The following TTC21B variants were observed in gnomAD, a reference collection of about 807,000 sequenced individuals.
TTC21B encodes tetratricopeptide repeat protein 21B.
A neutral mutation model predicts 175.1 loss-of-function variants in TTC21B; 127 were observed. That is an observed-to-expected ratio of 0.73 (90% CI 0.63 to 0.84). TTC21B has a LOEUF of 0.84. Among genes scored for constraint, TTC21B ranks in the 40% least tolerant of loss-of-function variants. TTC21B has a pLI of 0.00. For synonymous variants in TTC21B, 524 were observed against 524.5 expected (o/e 1.00, Z 0.01); for missense variants, 1,561 against 1,558.3 (o/e 1.00, Z -0.03).
intron 11 of TTC21B, among the ~76,000 whole-genome samples, chr2:165,928,219 G>A (rs1686747785): frequency 6.6e-6 from 1 of 151,960 alleles, no homozygotes; most frequent in Non-Finnish European, 1.5e-5. Context: ...TGATCCACAA[G>A]GAATATGATA....
intron 22 of TTC21B, chr2:165,898,479 T>C: frequency 1.6e-6 from 1 of 622,904 alleles, no homozygotes; most frequent in Non-Finnish European, 2.9e-6. Flanking sequence ...ATTACCAGGT[T>C]TGTGCTCATA....
intron 15 of TTC21B, among the ~76,000 whole-genome samples, 194 bp from the exon 16 acceptor site, chr2:165,913,840 T>C (rs1686047486): frequency 1.3e-5 from 2 of 152,212 alleles, no homozygotes; most frequent in Admixed American, 6.5e-5. Context: ...GATCAGCTAT[T>C]TCTGTCACTG....
In TTC21B at chr2:165,927,270, TTATATATATATATATCCTAGTAGTTATA is replaced by T. The variant is rs1559064790; in HGVS notation, c.1386+1837_1386+1864del. Reference sequence around the variant, plus strand: ...GTTATATATATATATATCCTAGTAGTTATATATATATATATCCTAGTAGTTATATATATATATTATATATTATATAATA... The same window carrying T: ...GTTATATATATATATATCCTAGTAGTTATATATATTATATATTATATAATA... On this transcript the variant is annotated intron_variant, in intron 11 of 28. Transcript: ENST00000243344. 1.9e-4 allele frequency among the ~76,000 whole-genome samples: 9 copies of T among 48,204 alleles called. 1 individual carries two copies. Among genetic ancestry groups the T allele is most frequent in the African/African-American group, 5.8e-4 (9 of 15,418 alleles). The allele number at this position is 48,204 out of a possible 152,430, so 31.6% of individuals were successfully genotyped here.
chr2:165,939,959 A>C (rs1329110501), intron 6 of TTC21B, among the ~76,000 whole-genome samples: 1 of 152,140 alleles, frequency 6.6e-6, no homozygotes, highest in Non-Finnish European at 1.5e-5. Flanking sequence ...CTCAGCTGTA[A>C]AACAGAAATA....
chr2:165,950,551 A>G (rs139085168), intron 1 of TTC21B, among the ~76,000 whole-genome samples: 7 of 152,332 alleles, frequency 4.6e-5, no homozygotes, highest in Non-Finnish European at 7.3e-5. Flanking sequence ...CTTGTTCAGT[A>G]GCAGTGAGAA....
At position 165,949,670 on chromosome 2, in the gene TTC21B, C is replaced by T; in HGVS notation, c.76G>A (p.Ala26Thr). The change falls in exon 2 of 29, where the codon GCC (alanine) becomes ACC (threonine). Residue 26 changes from alanine to threonine, a missense_variant. Ala to Thr is a moderately conservative substitution (Grantham distance 58). Coordinates refer to ENST00000243344, the MANE Select transcript of TTC21B (RefSeq NM_024753.5). ...ERYFHHVLLV[A>T]SEGIKRYGSD... ...CCATACCTCTTAATTCCTTCACTGG[C>T]AACCAGTAATACATGATGGAAATAT... 2 of 1,612,846 alleles carry T rather than the reference C, an allele frequency of 1.2e-6. No individual in the cohort carries two copies. The highest frequency in any genetic ancestry group is 1.1e-5 in the South Asian group (1 of 91,060).
chr2:165,908,501 T>C (rs1483624071), intron 18 of TTC21B, among the ~76,000 whole-genome samples: 1 of 152,170 alleles, frequency 6.6e-6, no homozygotes. Flanking sequence ...GAACCCTAGA[T>C]AATTAACAAA....
chr2:165,924,261 T>C (rs547623790), intron 12 of TTC21B, among the ~76,000 whole-genome samples: 1 of 152,312 alleles, frequency 6.6e-6, no homozygotes, highest in East Asian at 1.9e-4. Context: ...TTAATGACTG[T>C]AAATTCTTAT....
At chr2:165,899,373 G>A (rs1685477313) in intron 21 of TTC21B, among the ~76,000 whole-genome samples, 1 of 152,122 alleles carries the variant, frequency 6.6e-6, no homozygotes, top group Non-Finnish European at 1.5e-5. Context: ...GTCTTAGACT[G>A]ATAATATGAA....
chr2:165,915,277 T>A lies in TTC21B; in HGVS notation c.2062A>T (p.Ile688Leu). The A allele has an allele frequency of 6.2e-7, 1 of 1,614,114 alleles. No individual in the cohort carries two copies. Among genetic ancestry groups the A allele is most frequent in the Non-Finnish European group, 8.5e-7 (1 of 1,179,992 alleles). The change falls in exon 15 of 29, where the codon ATA (isoleucine) becomes TTA (leucine). Residue 688 changes from isoleucine (I) to leucine (L), a missense_variant. Ile to Leu is a conservative substitution (Grantham distance 5). Coordinates refer to ENST00000243344, the MANE Select transcript of TTC21B (RefSeq NM_024753.5). ...QNVTAEQPYF[I>L]EAREKMADIY... ...TCTGCCATTTTTTCTCTGGCCTCTA[T>A]AAAATAAGGCTGTTCGGCTGTAACA...
In TTC21B at chr2:165,915,433, C is replaced by T. The variant is rs139763381; in HGVS notation, c.1906G>A (p.Ala636Thr). ...VHRLNGEQHE[A>T]TKVLQDAIHE... is the part of the protein sequence containing the mutation. Reference sequence around the variant, plus strand: ...ATGGCATCTTGTAAAACTTTGGTTGCCTCATGCTGTAAAGATGAAATTAAA... The same window carrying T: ...ATGGCATCTTGTAAAACTTTGGTTGTCTCATGCTGTAAAGATGAAATTAAA... Residue 636 changes from alanine (A) to threonine (T), a missense_variant, in exon 15 of 29, where the codon GCA becomes ACA. Ala to Thr is a moderately conservative substitution (Grantham distance 58). Coordinates refer to ENST00000243344, the MANE Select transcript of TTC21B (RefSeq NM_024753.5). The T allele has an allele frequency of 2.6e-5, 42 of 1,612,060 alleles. No individual in the cohort carries two copies. The highest frequency in any genetic ancestry group is 3.2e-5 in the Non-Finnish European group (38 of 1,178,308).
At chr2:165,951,900 G>GGGAGGA (rs1392911227) in intron 1 of TTC21B, among the ~76,000 whole-genome samples, 1 of 152,202 alleles carries the variant, frequency 6.6e-6, no homozygotes, top group Non-Finnish European at 1.5e-5. Context: ...GTGGTGTGAG[G>GGGAGGA]GGAGGATGGA....
At chr2:165,886,813 G>A (rs1166565761) in intron 25 of TTC21B, among the ~76,000 whole-genome samples, 2 of 152,114 alleles carry the variant, frequency 1.3e-5, no homozygotes, top group Non-Finnish European at 2.9e-5. Flanking sequence ...CAGTAGCTAT[G>A]GCACCTGACA....
At chr2:165,900,541 G>A (rs115187778) in intron 20 of TTC21B, among the ~76,000 whole-genome samples, 3,272 of 152,192 alleles carry the variant, frequency 0.021, 124 homozygotes, top group African/African-American at 0.075. Context: ...AATCAGTCAT[G>A]TATGTAAATG....
At chr2:165,923,946 T>G (rs909713173) in intron 12 of TTC21B, among the ~76,000 whole-genome samples, 3 of 151,516 alleles carry the variant, frequency 2.0e-5, no homozygotes, top group African/African-American at 7.3e-5. Flanking sequence ...AGAGATGAGG[T>G]TTCTCCATGT....
At position 165,900,015 on chromosome 2, in the gene TTC21B, A is replaced by AG. The variant is rs1685500966; in HGVS notation, c.2758-136_2758-135insC. 6.7e-5 allele frequency: 45 copies of AG among 669,112 alleles called. No individual in the cohort carries two copies. In the South Asian group the frequency reaches 7.6e-4, roughly 11 times the overall value. The allele number at this position is 669,112 out of a possible 1,614,324, so 41.4% of individuals were successfully genotyped here. A position where few individuals can be genotyped will look rare whatever the true frequency, so the allele number is the denominator to read the frequency against. On this transcript the variant is annotated intron_variant, in intron 20 of 28. Transcript: ENST00000243344. ...AATGCCAAGTATAATAGACAAAAAA[A>AG]AAAAAAAAACAACAGTATGTATACC...
intron 14 of TTC21B, among the ~76,000 whole-genome samples, chr2:165,916,199 G>A (rs910931553): frequency 5.9e-5 from 9 of 152,194 alleles, no homozygotes; most frequent in African/African-American, 2.2e-4. Flanking sequence ...GGAGTTTGAG[G>A]TTGCAGTGAG....
chr2:165,881,397 G>A (rs1684829480), intron 26 of TTC21B, among the ~76,000 whole-genome samples: 1 of 152,082 alleles, frequency 6.6e-6, no homozygotes, highest in African/African-American at 2.4e-5. Context: ...TTGTTAGATT[G>A]AGGACTGAAA....
chr2:165,902,062 T>G, intron 19 of TTC21B, 152 bp from the exon 20 acceptor site: 1 of 712,422 alleles, frequency 1.4e-6, no homozygotes, highest in Non-Finnish European at 2.4e-6. Flanking sequence ...TATTGAGATC[T>G]CAAGCATGCA....
Sources: allele counts gnomAD v4.1 joint callset (sites outside exome capture counted in the v4.1 genomes callset), GRCh38; gene constraint gnomAD v4.1.1; transcripts MANE v1.5; gene names NCBI Gene and HGNC (gene_info 2026-07-23, HGNC 2026-07-21).